The following NRDC variants were observed in gnomAD, a reference collection of about 807,000 sequenced individuals.
NRDC encodes the protein nardilysin.
NRDC carries 54 observed loss-of-function variants against 147.1 expected under a neutral mutation model. The observed-to-expected ratio is 0.37, with a 90% confidence interval of 0.29 to 0.46. The LOEUF is 0.46. Ranked by LOEUF, NRDC falls within the 20% of genes least tolerant of loss-of-function variation. The pLI, the probability that NRDC is intolerant of heterozygous loss-of-function variation, is 1.00. For missense variants in NRDC, 1,082 were observed against 1,370.6 expected, an observed-to-expected ratio of 0.79 and a Z score of 3.33; for synonymous variants, 440 against 482.1, an observed-to-expected ratio of 0.91 and a Z score of 1.14.
chr1:51,876,694 A>AAT (rs10626832), intron 1 of NRDC, among the ~76,000 whole-genome samples: 30,390 of 152,162 alleles, frequency 0.2, 3,991 homozygotes, highest in Non-Finnish European at 0.28. Flanking sequence ...GCCTGGAGAA[A>AAT]ATATATCTAG....
intron 16 of NRDC, among the ~76,000 whole-genome samples, chr1:51,809,994 C>T (rs1679640872): frequency 6.6e-6 from 1 of 152,044 alleles, no homozygotes; most frequent in Admixed American, 6.5e-5. Flanking sequence ...TTAGTAAGAT[C>T]TCCAAGTGAC....
Position 51,803,900 on chromosome 1 carries a change from C to T in NRDC, c.2227G>A (p.Ala743Thr). 2 of 1,613,468 alleles carry T rather than the reference C, an allele frequency of 1.2e-6. No homozygotes were observed. The highest frequency in any genetic ancestry group is 8.5e-7 in the Non-Finnish European group (1 of 1,179,600). ...THNLAEPAYEADVAQLEYKLV... is the reference protein window; with the variant it reads ...THNLAEPAYETDVAQLEYKLV... ...TTATACTCCAGCTGTGCCACATCTGCTTCATAAGCTGGTTCCGCAAGGTTA... is the reference window on the plus strand; with the variant it reads ...TTATACTCCAGCTGTGCCACATCTGTTTCATAAGCTGGTTCCGCAAGGTTA... Residue 743 changes from alanine to threonine, a missense_variant, in exon 20 of 31, where the codon GCA becomes ACA. Physicochemically the swap from Ala to Thr is moderately conservative, Grantham distance 58 (BLOSUM62 0). Coordinates refer to ENST00000352171, the MANE Select transcript of NRDC (RefSeq NM_001101662.2).
intron 1 of NRDC, among the ~76,000 whole-genome samples, chr1:51,873,523 A>AT (rs1307337865): frequency 6.9e-6 from 1 of 144,410 alleles, no homozygotes; most frequent in Admixed American, 6.8e-5. Context: ...TTATTTATTT[A>AT]TGTTTGAGAC....
chr1:51,863,273 A>G (rs1205700057), intron 1 of NRDC, among the ~76,000 whole-genome samples: 1 of 151,950 alleles, frequency 6.6e-6, no homozygotes, highest in South Asian at 2.1e-4. Flanking sequence ...ATGGTGGCGT[A>G]CGTCTGTAGT....
chr1:51,821,695 C>A, intron 7 of NRDC, 140 bp from the exon 8 acceptor site: 2 of 617,502 alleles, frequency 3.2e-6, no homozygotes, highest in East Asian at 2.8e-5. Flanking sequence ...ACTCCTGAAC[C>A]AGTAATGGAT....
At chr1:51,814,423 A>G (rs1355688819) in intron 13 of NRDC, 128 bp downstream of exon 13, 2 of 812,078 alleles carry the variant, frequency 2.5e-6, no homozygotes, top group African/African-American at 1.7e-5. Flanking sequence ...TATGGAGTCA[A>G]TAAAGGAAAT....
intron 1 of NRDC, among the ~76,000 whole-genome samples, chr1:51,870,907 CCT>C (rs1190597898): frequency 6.6e-6 from 1 of 151,758 alleles, no homozygotes; most frequent in African/African-American, 2.4e-5. Context: ...GACATGCTCA[CCT>C]CTTATTCATC....
At chr1:51,800,525 C>T (rs1310475529) in intron 21 of NRDC, 31 bp downstream of exon 21, 2 of 1,611,376 alleles carry the variant, frequency 1.2e-6, no homozygotes, top group South Asian at 2.2e-5. Context: ...TTCAGGTCCT[C>T]AAAATATAAG....
chr1:51,851,397 C>A (rs1485599725), intron 1 of NRDC, among the ~76,000 whole-genome samples: 1 of 151,798 alleles, frequency 6.6e-6, no homozygotes, highest in Non-Finnish European at 1.5e-5. Context: ...CTGGCCAAGG[C>A]ATTAAAGGTT....
chr1:51,810,431 G>C (rs764001884), intron 15 of NRDC, 27 bp from the exon 16 acceptor site: 114 of 1,599,032 alleles, frequency 7.1e-5, no homozygotes, highest in Admixed American at 1.0e-4. Flanking sequence ...AGGGGAAAGA[G>C]ATACACACAA....
chr1:51,827,958 G>A (rs921866856), intron 4 of NRDC, 89 bp from the exon 5 acceptor site: 3 of 989,320 alleles, frequency 3.0e-6, no homozygotes, highest in Non-Finnish European at 4.7e-6. Flanking sequence ...TACTAAGTTG[G>A]AGATTTAATT....
intron 18 of NRDC, 147 bp downstream of exon 18, chr1:51,806,647 G>T: frequency 1.5e-6 from 1 of 669,422 alleles, no homozygotes; most frequent in Non-Finnish European, 2.6e-6. Context: ...GGGTGAGAGG[G>T]CATCAAGGTG....
intron 1 of NRDC, among the ~76,000 whole-genome samples, chr1:51,852,040 CT>C (rs1235494019): frequency 6.6e-6 from 1 of 152,090 alleles, no homozygotes; most frequent in African/African-American, 2.4e-5. Context: ...TTTTGGTATG[CT>C]TTTTGGTACA....
chr1:51,836,028 T>A, intron 3 of NRDC, 103 bp downstream of exon 3: 1 of 881,836 alleles, frequency 1.1e-6, no homozygotes, highest in South Asian at 1.5e-5. Flanking sequence ...TTGCTAAATA[T>A]ATCATACTTC....
chr1:51,868,435 A>C (rs1042966485), intron 1 of NRDC, among the ~76,000 whole-genome samples: 2 of 152,142 alleles, frequency 1.3e-5, no homozygotes, highest in African/African-American at 4.8e-5. Flanking sequence ...ACAAAATAGA[A>C]GGCCTTGGAC....
At chr1:51,819,749 G>A in intron 9 of NRDC, 51 bp downstream of exon 9, 2 of 1,412,734 alleles carry the variant, frequency 1.4e-6, no homozygotes, top group Non-Finnish European at 2.0e-6. Context: ...TTAGGTTATA[G>A]AGAATGTGCT....
chr1:51,831,957 C>T (rs891284348), intron 4 of NRDC, among the ~76,000 whole-genome samples: 3 of 152,064 alleles, frequency 2.0e-5, no homozygotes, highest in Non-Finnish European at 4.4e-5. Flanking sequence ...GTGGCATATG[C>T]TTCCAATTTA....
At chr1:51,832,736 A>G (rs1452034694) in intron 4 of NRDC, among the ~76,000 whole-genome samples, 1 of 152,180 alleles carries the variant, frequency 6.6e-6, no homozygotes, top group African/African-American at 2.4e-5. Flanking sequence ...ATGAATTTCA[A>G]AAGCTTAAAG....
In NRDC at chr1:51,816,357, A is replaced by G. The variant is rs771609748; in HGVS notation, c.1394T>C (p.Val465Ala). 36 of 1,601,856 alleles carry G rather than the reference A, an allele frequency of 2.2e-5. No homozygotes were observed. Among genetic ancestry groups the G allele is most frequent in the Non-Finnish European group, 3.0e-5 (35 of 1,173,916 alleles). ...VKPLHYISWL[V>A]GHEGKGSILS... ...AATGCTGCCTTTGCCTTCATGTCCA[A>G]CCAGCCAGGATATATAATGAAGTGG... The change falls in exon 11 of 31, where the codon GTT becomes GCT. Residue 465 changes from valine (V) to alanine (A), a missense_variant. Val to Ala is a moderately conservative substitution (Grantham distance 64, BLOSUM62 0). This residue lies in a region of NRDC where 635 missense variants were observed against 923.8 expected (regional missense o/e 0.69). Coordinates refer to ENST00000352171, the MANE Select transcript of NRDC (RefSeq NM_001101662.2).
Sources: allele counts gnomAD v4.1 joint callset (sites outside exome capture counted in the v4.1 genomes callset), GRCh38; gene constraint gnomAD v4.1.1; regional missense constraint gnomAD v4.1.1; transcripts MANE v1.5; gene names NCBI Gene and HGNC (gene_info 2026-07-23, HGNC 2026-07-21).